RORA: variants seen among roughly 807,000 people sequenced by gnomAD.
The protein encoded by RORA is RAR related orphan receptor A, also known as nuclear receptor ROR-alpha.
RORA carries 7 observed loss-of-function variants against 69.5 expected under a neutral mutation model. The observed-to-expected ratio is 0.10, with a 90% CI of 0.06 to 0.19. The LOEUF (loss-of-function observed/expected upper bound fraction) is 0.19, where lower values mean the gene tolerates loss of function less well. RORA is among the 10% of genes least tolerant of loss of function. RORA has a pLI of 1.00. For synonymous variants in RORA, 261 were observed against 240.8 expected, an observed-to-expected ratio of 1.08 and a Z score of -0.78; for missense variants, 457 against 663.0, an observed-to-expected ratio of 0.69 and a Z score of 3.41.
In RORA at chr15:60,497,475, C is replaced by T. The variant is rs1283436239; in HGVS notation, c.1552G>A (p.Ala518Thr). The change falls in exon 11 of 11, where the codon GCA becomes ACA. Residue 518 changes from alanine (A) to threonine (T), a missense_variant. Coordinates refer to ENST00000335670, the MANE Select transcript of RORA (RefSeq NM_134261.3). ...KELFTSEFEP[A>T]MQIDG Reference sequence around the variant, plus strand: ...AACATTTACCCATCAATTTGCATTGCTGGCTCAAATTCTGAAGTGAACAAC... The same window carrying T: ...AACATTTACCCATCAATTTGCATTGTTGGCTCAAATTCTGAAGTGAACAAC... The T allele has an allele frequency of 1.2e-6, 2 of 1,614,034 alleles. No homozygotes were observed. The highest frequency in any genetic ancestry group is 1.7e-5 in the Admixed American group (1 of 60,020).
intron 1 of RORA, among the ~76,000 whole-genome samples, chr15:60,922,700 G>A (rs1257841560): frequency 6.6e-6 from 1 of 152,102 alleles, no homozygotes. Flanking sequence ...TATGACTTTG[G>A]CCACCAATCA....
At chr15:60,754,370 A>G (rs900233044) in intron 1 of RORA, among the ~76,000 whole-genome samples, 2 of 152,194 alleles carry the variant, frequency 1.3e-5, no homozygotes, top group Non-Finnish European at 2.9e-5. Context: ...CAAAGTTGGG[A>G]TTACTCCAGT....
intron 1 of RORA, among the ~76,000 whole-genome samples, chr15:60,944,876 A>G (rs1429107069): frequency 1.3e-5 from 2 of 152,160 alleles, no homozygotes; most frequent in African/African-American, 4.8e-5. Flanking sequence ...TGCATGCCCA[A>G]CGTGGTCTGA....
chr15:60,502,672 T>C (rs2065369099), intron 8 of RORA, 88 bp downstream of exon 8: 1 of 855,806 alleles, frequency 1.2e-6, no homozygotes, highest in Non-Finnish European at 1.9e-6. Context: ...AAATAAAGTT[T>C]TCATTTTGTC....
At chr15:60,577,915 G>A (rs1013457458) in intron 2 of RORA, among the ~76,000 whole-genome samples, 7 of 152,164 alleles carry the variant, frequency 4.6e-5, no homozygotes, top group African/African-American at 1.7e-4. Context: ...TCTCATAGCT[G>A]CTTCTGCATT....
chr15:60,605,514 A>AGTAGTTTCTTTTC (rs2068924417), intron 2 of RORA, among the ~76,000 whole-genome samples: 1 of 152,236 alleles, frequency 6.6e-6, no homozygotes, highest in Non-Finnish European at 1.5e-5. Flanking sequence ...TGGAAAAGAA[A>AGTAGTTTCTTTTC]CTACGTAAAC....
intron 1 of RORA, among the ~76,000 whole-genome samples, chr15:61,201,981 CTT>C (rs2079899078): frequency 6.6e-6 from 1 of 150,744 alleles, no homozygotes; most frequent in African/African-American, 2.4e-5. Context: ...ATTTCTCAAA[CTT>C]TTAATATTTA....
At chr15:60,857,334 A>G (rs543440421) in intron 1 of RORA, among the ~76,000 whole-genome samples, 3 of 152,112 alleles carry the variant, frequency 2.0e-5, no homozygotes, top group Non-Finnish European at 4.4e-5. Context: ...CCGGCAAGTC[A>G]AGTTCCCACG....
At chr15:60,701,476 T>C (rs2070980369) in intron 1 of RORA, among the ~76,000 whole-genome samples, 1 of 152,178 alleles carries the variant, frequency 6.6e-6, no homozygotes, top group Non-Finnish European at 1.5e-5. Context: ...TCAGTTTCTC[T>C]CAATTTAGTG....
intron 1 of RORA, among the ~76,000 whole-genome samples, chr15:60,772,196 A>G (rs2072086453): frequency 6.6e-6 from 1 of 151,940 alleles, no homozygotes; most frequent in South Asian, 2.1e-4. Context: ...TCCTAACGCT[A>G]TCCCTCCCCC....
intron 1 of RORA, among the ~76,000 whole-genome samples, chr15:60,825,726 T>C (rs1461508500): frequency 6.6e-6 from 1 of 152,208 alleles, no homozygotes; most frequent in African/African-American, 2.4e-5. Flanking sequence ...TCCTCTTCTG[T>C]GACATACAGG....
intron 2 of RORA, among the ~76,000 whole-genome samples, chr15:60,649,870 C>T (rs2070113983): frequency 1.3e-5 from 2 of 152,158 alleles, no homozygotes; most frequent in Admixed American, 1.3e-4. Context: ...CAACGGAAAG[C>T]TCAAAATGCA....
chr15:61,086,464 T>C (rs928884678), intron 1 of RORA, among the ~76,000 whole-genome samples: 18 of 152,220 alleles, frequency 1.2e-4, no homozygotes, highest in Admixed American at 1.1e-3. Context: ...TCAGCCCCTC[T>C]ACCTGTTTGA....
chr15:61,163,199 G>A (rs1034356560), intron 1 of RORA, among the ~76,000 whole-genome samples: 1 of 152,110 alleles, frequency 6.6e-6, no homozygotes, highest in Non-Finnish European at 1.5e-5. Flanking sequence ...GCATCCATCA[G>A]TTACTTTAGT....
chr15:61,094,728 A>T (rs2078763724), intron 1 of RORA, among the ~76,000 whole-genome samples: 1 of 152,238 alleles, frequency 6.6e-6, no homozygotes, highest in South Asian at 2.1e-4. Flanking sequence ...GCTGAGCCAG[A>T]TGCTGGAGAT....
intron 1 of RORA, among the ~76,000 whole-genome samples, chr15:60,951,278 A>G (rs147024454): frequency 0.98 from 124,374 of 126,676 alleles, 61,106 homozygotes; most frequent in Middle Eastern, 1. Flanking sequence ...TCTCTGGGAC[A>G]CATTCAAAGC....
intron 1 of RORA, among the ~76,000 whole-genome samples, chr15:61,005,424 G>A (rs1223693646): frequency 6.6e-6 from 1 of 152,168 alleles, no homozygotes; most frequent in East Asian, 1.9e-4. Context: ...AGGCTGCGGT[G>A]AGCTGAGACC....
At chr15:61,206,003 A>G (rs1301409042) in intron 1 of RORA, among the ~76,000 whole-genome samples, 1 of 152,164 alleles carries the variant, frequency 6.6e-6, no homozygotes, top group Non-Finnish European at 1.5e-5. Flanking sequence ...GGGGTTCATA[A>G]TTCTTGCTTC....
intron 2 of RORA, among the ~76,000 whole-genome samples, chr15:60,582,083 G>A (rs2068210967): frequency 1.3e-5 from 2 of 152,034 alleles, no homozygotes; most frequent in African/African-American, 2.4e-5. Context: ...CATCAAAAAC[G>A]GAAAAAGCTT....
Sources: allele counts gnomAD v4.1 joint callset (sites outside exome capture counted in the v4.1 genomes callset), GRCh38; gene constraint gnomAD v4.1.1; transcripts MANE v1.5; gene names NCBI Gene and HGNC (gene_info 2026-07-23, HGNC 2026-07-21).